The following AHNAK2 variants were observed in gnomAD, a reference collection of about 807,000 sequenced individuals.
AHNAK2 encodes the protein protein AHNAK2.
AHNAK2 carries 18 observed loss-of-function variants against 30.7 expected under a neutral mutation model. The observed-to-expected ratio is 0.59, with a 90% CI of 0.41 to 0.87. AHNAK2 has a LOEUF of 0.87. AHNAK2 is among the 40% of genes least tolerant of loss of function. The pLI is 0.00. For missense variants in AHNAK2, 8,604 were observed against 7,373.0 expected, an observed-to-expected ratio of 1.17 and a Z score of -6.11; for synonymous variants, 3,590 against 3,073.8, an observed-to-expected ratio of 1.17 and a Z score of -5.56.
rs772499568 is a variant in AHNAK2, at chr14:104,944,393, G to A, written c.11058C>T (p.Leu3686=). ...SMQGDLKTTD[L]SIQPPSADLK... ...GGTCGGCAGAAGGGGGCTGAATGCT[G>A]AGGTCAGTGGTCTTCAGGTCCCCCT... is the stretch of plus-strand genomic sequence containing the variant. Residue 3686 remains leucine, a synonymous_variant, in exon 7 of 7, where the codon CTC becomes CTT. Coordinates refer to ENST00000333244, the MANE Select transcript of AHNAK2 (RefSeq NM_138420.4). 3.1e-5 allele frequency: 50 copies of A among 1,612,606 alleles called. No individual in the cohort carries two copies. The South Asian group carries it at 5.2e-4, about 17-fold the overall frequency.
At position 104,944,536 on chromosome 14, in the gene AHNAK2, T is replaced by C. The variant is rs747988841; in HGVS notation, c.10915A>G (p.Lys3639Glu). The C allele has an allele frequency of 6.2e-7, 1 of 1,613,020 alleles. No individual in the cohort carries two copies. The highest frequency in any genetic ancestry group is 8.5e-7 in the Non-Finnish European group (1 of 1,179,578). The change falls in exon 7 of 7, where the codon AAA (lysine) becomes GAA (glutamate). Residue 3639 changes from lysine to glutamate, a missense_variant. Physicochemically the swap from Lys to Glu is moderately conservative, Grantham distance 56. Coordinates refer to ENST00000333244, the MANE Select transcript of AHNAK2 (RefSeq NM_138420.4). ...GACGGCATCTTGAATTTGGGCATTT[T>C]GAACTTGCTGTCTTTGGCAGTCACG... Reference protein sequence around the residue: ...KDVTAKDSKFKMPKFKMPSFR... With the variant: ...KDVTAKDSKFEMPKFKMPSFR...
In AHNAK2 at chr14:104,942,941, G is replaced by A. The variant is rs1174881216; in HGVS notation, c.12510C>T (p.Pro4170=). ...TGGTCTTGAGGTCCCCCTGCATGGA[G>A]GGGAGGCTCACGTCGGCTTTCGCCT... The part of the protein sequence containing the change: ...ELKAKADVSL[P]SMQGDLKTTD... Residue 4170 remains proline, a synonymous_variant, in exon 7 of 7, where the codon CCC becomes CCT. Transcript: ENST00000333244. 7 of 1,612,522 alleles carry A rather than the reference G, an allele frequency of 4.3e-6. No individual in the cohort carries two copies. The African/African-American group carries it at 9.4e-5, about 22-fold the overall frequency.
Position 104,943,925 on chromosome 14 carries a change from C to A in AHNAK2, c.11526G>T (p.Met3842Ile). ...GGTCAGTGGTCTTGAGGTCCCCCTG[C>A]ATGGAGGGGAGACTCACATCGGCCT... ...KVEADVSLPS[M>I]QGDLKTTDLS... is the part of the protein sequence containing the mutation. Residue 3842 changes from methionine (M) to isoleucine (I), a missense_variant, in exon 7 of 7, where the codon ATG (methionine) becomes ATT (isoleucine). Physicochemically the swap from Met to Ile is conservative, Grantham distance 10. Transcript: ENST00000333244. 1 of 1,613,122 alleles carries A rather than the reference C, an allele frequency of 6.2e-7. No homozygotes were observed. Among genetic ancestry groups the A allele is most frequent in the Non-Finnish European group, 8.5e-7 (1 of 1,179,570 alleles).
At position 104,948,149 on chromosome 14, in the gene AHNAK2, C is replaced by A. The variant is rs754737031; in HGVS notation, c.7302G>T (p.Lys2434Asn). Residue 2434 changes from lysine to asparagine, a missense_variant, in exon 7 of 7, where the codon AAG (lysine) becomes AAT (asparagine). By Grantham distance (94) the Lys-to-Asn change is moderately conservative. Transcript: ENST00000333244. ...KGPKLDLKGP[K>N]TDVMAPDVEV... ...CCACGTCGGGGGCCATCACGTCCGT[C>A]TTGGGGCCTTTCAGGTCCAGCTTGG... The A allele has an allele frequency of 4.3e-6, 7 of 1,612,634 alleles. No homozygotes were observed. The Admixed American group carries it at 1.0e-4, about 23-fold the overall frequency.
rs1018751810 is a variant in AHNAK2, at chr14:104,937,996, T to A, written c.*67A>T. ...GTGCTGTGGGATGGGGTGCTCCATATGTGTGTGTAGCCTTTACTTTCCAAC... is the reference window on the plus strand; with the variant it reads ...GTGCTGTGGGATGGGGTGCTCCATAAGTGTGTGTAGCCTTTACTTTCCAAC... On this transcript the variant is annotated 3_prime_UTR_variant, in exon 7 of 7. Transcript: ENST00000333244. The A allele has an allele frequency of 6.6e-7, 1 of 1,519,680 alleles. No homozygotes were observed. Among genetic ancestry groups the A allele is most frequent in the Non-Finnish European group, 8.9e-7 (1 of 1,119,644 alleles). 94.1% of individuals were successfully genotyped at this position (1,519,680 alleles called of 1,614,324 possible).
At chr14:104,965,083 C>T (rs1899261629) in intron 1 of AHNAK2, among the ~76,000 whole-genome samples, 1 of 152,144 alleles carries the variant, frequency 6.6e-6, no homozygotes, top group Admixed American at 6.6e-5. Flanking sequence ...TTTAGCTCAT[C>T]AGCTATCATT....
intron 3 of AHNAK2, among the ~76,000 whole-genome samples, chr14:104,957,139 C>G (rs57147900): frequency 6.6e-6 from 1 of 152,336 alleles, no homozygotes; most frequent in East Asian, 1.9e-4. Context: ...CCCTGTGCCC[C>G]TGAAACACAA....
chr14:104,940,703 G>A lies in AHNAK2; in HGVS notation c.14748C>T (p.Thr4916=), dbSNP rs1897952532. 1.2e-6 allele frequency: 2 copies of A among 1,613,038 alleles called. No individual in the cohort carries two copies. Among genetic ancestry groups the A allele is most frequent in the Non-Finnish European group, 1.7e-6 (2 of 1,179,758 alleles). ...LPSTQLPSPG[T]CVSQGPEELV... ...GCTCTTCTGGGCCCTGAGACACACA[G>A]GTGCCTGGGGATGGCAGCTGGGTGC... The change falls in exon 7 of 7, where the codon ACC becomes ACT. Residue 4916 remains threonine, a synonymous_variant. Transcript: ENST00000333244. This position sits in a 1 kb window ranked among gnomAD's most constrained non-coding sequence, Gnocchi z 4.4.
Position 104,944,212 on chromosome 14 carries a change from T to A in AHNAK2, c.11239A>T (p.Lys3747Ter). 6.2e-7 allele frequency: 1 copy of A among 1,613,010 alleles called. No homozygotes were observed. The highest frequency in any genetic ancestry group is 8.5e-7 in the Non-Finnish European group (1 of 1,179,592). ...GCCTTGGAGACTTTTAGGTCCAGCT[T>A]GGGGCCCTTGATGTCCACCTGGGGG... Reference protein sequence around the residue: ...KGPQVDIKGPKLDLKVSKAEV... With the variant: ...KGPQVDIKGP The change falls in exon 7 of 7, where the codon AAG becomes TAG. Residue 3747 changes from lysine (K) to a stop codon, truncating the protein, a stop_gained. Transcript: ENST00000333244. LOFTEE classifies it low-confidence loss of function (END_TRUNC).
Position 104,940,087 on chromosome 14 carries a change from G to A in AHNAK2, c.15364C>T (p.Leu5122Phe). Residue 5122 changes from leucine (L) to phenylalanine (F), a missense_variant, in exon 7 of 7, where the codon CTT becomes TTT. Leu to Phe is a conservative substitution (Grantham distance 22, BLOSUM62 0). Coordinates refer to ENST00000333244, the MANE Select transcript of AHNAK2 (RefSeq NM_138420.4). The surrounding 1 kb of genome is among the most constrained non-coding windows in gnomAD (Gnocchi z 4.4). ...TCGGTAGACAGATCATGTTTGGGAA[G>A]AGGCAGGTCAGCTTCAGGCTGGCTC... ...EVSQPEADLP[L>F]PKHDLSTEGD... 2 of 1,613,278 alleles carry A rather than the reference G, an allele frequency of 1.2e-6. No individual in the cohort carries two copies. Among genetic ancestry groups the A allele is most frequent in the Non-Finnish European group, 1.7e-6 (2 of 1,179,880 alleles).
At chr14:104,973,432 C>T (rs759819268) in intron 1 of AHNAK2, among the ~76,000 whole-genome samples, 22 of 152,170 alleles carry the variant, frequency 1.4e-4, no homozygotes, top group Non-Finnish European at 2.6e-4. Flanking sequence ...GCCAGGCCTG[C>T]CAAGCAGCAG....
At chr14:104,957,809 C>T (rs904237083) in intron 1 of AHNAK2, 137 bp from the exon 2 acceptor site, 1 of 877,170 alleles carries the variant, frequency 1.1e-6, no homozygotes, top group African/African-American at 1.7e-5. Context: ...AGAGCAAACT[C>T]AGGGGCTGGG....
intron 1 of AHNAK2, among the ~76,000 whole-genome samples, chr14:104,974,881 G>T (rs1307073194): frequency 6.6e-6 from 1 of 152,214 alleles, no homozygotes; most frequent in Admixed American, 6.5e-5. Flanking sequence ...ACTTGCTGGG[G>T]CTTGGGGGCC....
chr14:104,940,690 C>T lies in AHNAK2; in HGVS notation c.14761G>A (p.Gly4921Ser), dbSNP rs768067732. ...AAGGAGGCCACAAGCTCTTCTGGGC[C>T]CTGAGACACACAGGTGCCTGGGGAT... ...LPSPGTCVSQ[G>S]PEELVASLQT... The change falls in exon 7 of 7, where the codon GGC (glycine) becomes AGC (serine). Residue 4921 changes from glycine to serine, a missense_variant. Physicochemically the swap from Gly to Ser is moderately conservative, Grantham distance 56. Transcript: ENST00000333244. The surrounding 1 kb of genome is among the most constrained non-coding windows in gnomAD (Gnocchi z 4.4). 5 of 1,613,232 alleles carry T rather than the reference C, an allele frequency of 3.1e-6. No homozygotes were observed. In the South Asian group the frequency reaches 5.5e-5, roughly 18 times the overall value.
At position 104,940,631 on chromosome 14, in the gene AHNAK2, AG is replaced by A. The variant is rs768580247; in HGVS notation, c.14819del (p.Pro4940LeufsTer14). 7 of 1,613,594 alleles carry A rather than the reference AG, an allele frequency of 4.3e-6. No homozygotes were observed. In the African/African-American group the frequency reaches 9.3e-5, roughly 22 times the overall value. On this transcript the variant is annotated frameshift_variant, in exon 7 of 7. Transcript: ENST00000333244. LOFTEE classifies it low-confidence loss of function (END_TRUNC). The surrounding 1 kb of genome is among the most constrained non-coding windows in gnomAD (Gnocchi z 4.4). The stretch of plus-strand genomic sequence containing the variant: ...TCCCTTCGTGGTCAGCATCTTCAGA[AG>A]GGGCTTCTCCAGGGGCCACTACTGA... ...QTSVVAPGEA[P>X]SEDADHEGKG...
chr14:104,954,692 C>T lies in AHNAK2; in HGVS notation c.759G>A (p.Gln253=). The change falls in exon 7 of 7, where the codon CAG becomes CAA. Residue 253 remains glutamine, a synonymous_variant. Coordinates refer to ENST00000333244, the MANE Select transcript of AHNAK2 (RefSeq NM_138420.4). This position sits in a 1 kb window ranked among gnomAD's most constrained non-coding sequence, Gnocchi z 4.3. ...GCCAAGAGAGCCTCTCCCTCTGGCTCTGCCTGCCTCTCCCCACCCTTGGTT... is the reference window on the plus strand; with the variant it reads ...GCCAAGAGAGCCTCTCCCTCTGGCTTTGCCTGCCTCTCCCCACCCTTGGTT... ...ISKPRVGRGR[Q]SQRERLSWPK... The T allele has an allele frequency of 6.2e-7, 1 of 1,612,810 alleles. No individual in the cohort carries two copies.
In AHNAK2 at chr14:104,946,480, A is replaced by T. The variant is rs751378778; in HGVS notation, c.8971T>A (p.Ser2991Thr). The T allele has an allele frequency of 1.9e-6, 3 of 1,611,128 alleles. No individual in the cohort carries two copies. The South Asian group carries it at 3.3e-5, about 18-fold the overall frequency. The change falls in exon 7 of 7, where the codon TCT becomes ACT. Residue 2991 changes from serine (S) to threonine (T), a missense_variant. Physicochemically the swap from Ser to Thr is moderately conservative, Grantham distance 58 (BLOSUM62 1). Coordinates refer to ENST00000333244, the MANE Select transcript of AHNAK2 (RefSeq NM_138420.4). ...ACCTCAATGGACTTGCCTGGGGCAG[A>T]CACCCCGAACGACGGCATCTTGAAC... The part of the protein sequence containing the change: ...PKFKMPSFGV[S>T]APGKSIEVSV...
intron 1 of AHNAK2, among the ~76,000 whole-genome samples, chr14:104,974,037 A>C (rs1026693309): frequency 4.6e-5 from 7 of 150,550 alleles, no homozygotes; most frequent in African/African-American, 1.7e-4. Flanking sequence ...AGTGCTTCTG[A>C]CTATTAAATA....
In AHNAK2 at chr14:104,951,649, C is replaced by T. The variant is rs749743543; in HGVS notation, c.3802G>A (p.Val1268Ile). Residue 1268 changes from valine to isoleucine, a missense_variant, in exon 7 of 7, where the codon GTC (valine) becomes ATC (isoleucine). Physicochemically the swap from Val to Ile is conservative, Grantham distance 29. Coordinates refer to ENST00000333244, the MANE Select transcript of AHNAK2 (RefSeq NM_138420.4). ...TTCAGGTCCAGCTTGGGGCCCCTGA[C>T]TTCCACCTGGGGGCCCTTGAGGTCC... Reference protein sequence around the residue: ...KVDLKGPQVEVRGPKLDLKGH... With the variant: ...KVDLKGPQVEIRGPKLDLKGH... The T allele has an allele frequency of 2.4e-6, 3 of 1,245,630 alleles. No individual in the cohort carries two copies. Among genetic ancestry groups the T allele is most frequent in the East Asian group, 2.3e-5 (1 of 44,372 alleles). The allele number at this position is 1,245,630 out of a possible 1,614,324, so 77.2% of individuals were successfully genotyped here. A position where few individuals can be genotyped will look rare whatever the true frequency, so the allele number is the denominator to read the frequency against.
Sources: allele counts gnomAD v4.1 joint callset (sites outside exome capture counted in the v4.1 genomes callset), GRCh38; gene constraint gnomAD v4.1.1; non-coding constraint Gnocchi (gnomAD v3.1); transcripts MANE v1.5; gene names NCBI Gene and HGNC (gene_info 2026-07-23, HGNC 2026-07-21).